The following UBA6 variants were observed in gnomAD, a reference collection of about 807,000 sequenced individuals.
The protein encoded by UBA6 is ubiquitin-like modifier-activating enzyme 6.
In UBA6, 87 loss-of-function variants were observed where a neutral mutation model predicts 148.3. That is an observed-to-expected ratio of 0.59 (90% CI 0.49 to 0.70). The LOEUF is 0.70. Among genes scored for constraint, UBA6 ranks in the 30% least tolerant of loss-of-function variants. The probability of loss-of-function intolerance (pLI) is 0.00; values close to 1 mark genes in which losing one functional copy is unlikely to be tolerated. For missense variants in UBA6, 1,186 were observed against 1,241.2 expected, an observed-to-expected ratio of 0.96 and a Z score of 0.67; for synonymous variants, 376 against 401.0, an observed-to-expected ratio of 0.94 and a Z score of 0.75.
At chr4:67,674,407 G>A (rs1352129665) in intron 6 of UBA6, among the ~76,000 whole-genome samples, 2 of 152,096 alleles carry the variant, frequency 1.3e-5, no homozygotes, top group Non-Finnish European at 2.9e-5. Context: ...CTTCCTCAGG[G>A]ACAAAGAGAC....
intron 2 of UBA6, among the ~76,000 whole-genome samples, chr4:67,694,942 T>C (rs1730797202): frequency 6.6e-6 from 1 of 152,104 alleles, no homozygotes; most frequent in Non-Finnish European, 1.5e-5. Flanking sequence ...CAAAAGAAAA[T>C]GGCTTACCTC....
chr4:67,624,402 A>G, intron 29 of UBA6, 149 bp from the exon 30 acceptor site: 1 of 610,382 alleles, frequency 1.6e-6, no homozygotes, highest in Non-Finnish European at 2.7e-6. Flanking sequence ...TTCTTATTAC[A>G]GGTCTGTATA....
At chr4:67,681,988 T>G in intron 3 of UBA6, 131 bp downstream of exon 3, 1 of 689,678 alleles carries the variant, frequency 1.4e-6, no homozygotes, top group Non-Finnish European at 2.5e-6. Context: ...TGACAAAGAT[T>G]AAAAACTCAA....
rs151206117 is a variant in UBA6, at chr4:67,652,607, C to T, written c.1105-3396G>A. On this transcript the variant is annotated intron_variant, in intron 13 of 32. Transcript: ENST00000322244. ...GCTCGTCTGCAGCTCCCAGCGAGATCGATGCAGAAGACAGGTGATTTCAGC... is the reference window on the plus strand; with the variant it reads ...GCTCGTCTGCAGCTCCCAGCGAGATTGATGCAGAAGACAGGTGATTTCAGC... Among the ~76,000 whole-genome samples the T allele has an allele frequency of 5.7e-3, 872 of 152,252 alleles. 9 individuals are homozygous for T. The highest frequency in any genetic ancestry group is 0.016 in the South Asian group (76 of 4,818).
rs780621245 is a variant in UBA6, at chr4:67,619,140, A to G, written c.3024-8T>C. On this transcript the variant is annotated splice_polypyrimidine_tract_variant and splice_region_variant and intron_variant, in intron 32 of 32. Coordinates refer to ENST00000322244, the MANE Select transcript of UBA6 (RefSeq NM_018227.6). Reference sequence around the variant, plus strand: ...TTTACAAGTTTATGCATTCTAAGAAAAATAAGCAAGAATGAATACTTTGGT... The same window carrying G: ...TTTACAAGTTTATGCATTCTAAGAAGAATAAGCAAGAATGAATACTTTGGT... The G allele has an allele frequency of 7.6e-6, 12 of 1,586,468 alleles. No individual in the cohort carries two copies. In the Admixed American group the frequency reaches 2.1e-4, roughly 27 times the overall value.
Position 67,626,421 on chromosome 4 carries a change from T to G in UBA6, c.2457A>C (p.Glu819Asp). ...RKPDHVPISS[E>D]DERNAIFQLE... Reference sequence around the variant, plus strand: ...GTTGGAAAATTGCATTCCTCTCATCTTCACTGCTAATAGGAACATGGTCTG... The same window carrying G: ...GTTGGAAAATTGCATTCCTCTCATCGTCACTGCTAATAGGAACATGGTCTG... Residue 819 changes from glutamate (E) to aspartate (D), a missense_variant, in exon 28 of 33, where the codon GAA becomes GAC. By Grantham distance (45) the Glu-to-Asp change is conservative (BLOSUM62 2). Coordinates refer to ENST00000322244, the MANE Select transcript of UBA6 (RefSeq NM_018227.6). 6.2e-7 allele frequency: 1 copy of G among 1,611,710 alleles called. No individual in the cohort carries two copies. Among genetic ancestry groups the G allele is most frequent in the Non-Finnish European group, 8.5e-7 (1 of 1,178,436 alleles).
At chr4:67,628,478 T>C (rs774726052) in intron 27 of UBA6, among the ~76,000 whole-genome samples, 2 of 151,808 alleles carry the variant, frequency 1.3e-5, no homozygotes, top group African/African-American at 2.4e-5. Context: ...GTTACTGTTA[T>C]CAGAGGTTTT....
intron 31 of UBA6, 43 bp downstream of exon 31, chr4:67,623,092 G>T: frequency 6.8e-7 from 1 of 1,469,250 alleles, no homozygotes; most frequent in South Asian, 1.2e-5. Context: ...ACAGAAACCA[G>T]ACATAAAGCT....
intron 9 of UBA6, among the ~76,000 whole-genome samples, chr4:67,666,650 A>T (rs1006625919): frequency 6.6e-6 from 1 of 152,016 alleles, no homozygotes; most frequent in Non-Finnish European, 1.5e-5. Context: ...CCAAGGCGAG[A>T]GGATCACCTA....
intron 13 of UBA6, among the ~76,000 whole-genome samples, chr4:67,654,099 T>C (rs1729622396): frequency 6.6e-6 from 1 of 152,120 alleles, no homozygotes; most frequent in Admixed American, 6.5e-5. Context: ...TGGAACCAAC[T>C]TAGAAAACAC....
Position 67,629,071 on chromosome 4 carries a change from C to G in UBA6, c.2400G>C (p.Lys800Asn). 6.2e-7 allele frequency: 1 copy of G among 1,600,692 alleles called. No individual in the cohort carries two copies. The highest frequency in any genetic ancestry group is 8.6e-7 in the Non-Finnish European group (1 of 1,168,678). Residue 800 changes from lysine to asparagine, a missense_variant and splice_region_variant, in exon 27 of 33, where the codon AAG (lysine) becomes AAC (asparagine). Transcript: ENST00000322244. ...VKIQEFKPSN[K>N]VVQTDETARK... ...TGAATGAATGATTTTTTAAACATAC[C>G]TTATTGGAAGGCTTGAATTCCTGAA...
At chr4:67,621,878 GA>G (rs1243408974) in intron 32 of UBA6, among the ~76,000 whole-genome samples, 1 of 151,994 alleles carries the variant, frequency 6.6e-6, no homozygotes, top group East Asian at 1.9e-4. Flanking sequence ...TAAGTGCTCT[GA>G]AAAAAAGAAA....
chr4:67,631,526 TG>T (rs1409839414), intron 25 of UBA6, among the ~76,000 whole-genome samples, 181 bp downstream of exon 25: 1 of 152,160 alleles, frequency 6.6e-6, no homozygotes, highest in Non-Finnish European at 1.5e-5. Flanking sequence ...GATTCACATT[TG>T]TGTGGGAAGG....
chr4:67,630,441 T>C, intron 26 of UBA6, 25 bp downstream of exon 26: 1 of 1,540,308 alleles, frequency 6.5e-7, no homozygotes, highest in Non-Finnish European at 8.8e-7. Context: ...TTGCATCACT[T>C]GCTAAGGCTT....
chr4:67,641,700 A>G (rs1729311888), intron 17 of UBA6, among the ~76,000 whole-genome samples: 1 of 151,578 alleles, frequency 6.6e-6, no homozygotes, highest in South Asian at 2.1e-4. Flanking sequence ...CATGCTGCCT[A>G]TTTTTGTAAC....
At position 67,662,157 on chromosome 4, in the gene UBA6, A is replaced by G. The variant is rs1729874832; in HGVS notation, c.1104+32T>C. ...AGAACACTTATGTATTAACAAACAA[A>G]TATTCGGACAGCCATAAATTTCAAT... On this transcript the variant is annotated intron_variant, in intron 13 of 32. Transcript: ENST00000322244. 3.7e-6 allele frequency: 6 copies of G among 1,601,300 alleles called. No homozygotes were observed. In the Admixed American group the frequency reaches 1.0e-4, roughly 27 times the overall value.
intron 23 of UBA6, among the ~76,000 whole-genome samples, chr4:67,632,599 G>T (rs1729024877): frequency 6.6e-6 from 1 of 152,208 alleles, no homozygotes; most frequent in Admixed American, 6.5e-5. Context: ...AATGAGCAAA[G>T]AAGTCAAATT....
chr4:67,636,556 TGG>T (rs1449041708), intron 19 of UBA6, among the ~76,000 whole-genome samples: 42 of 152,332 alleles, frequency 2.8e-4, no homozygotes, highest in African/African-American at 9.6e-4. Context: ...CACGCCTGAC[TGG>T]TTTTCATATT....
At chr4:67,671,691 T>C (rs1287183786) in intron 7 of UBA6, among the ~76,000 whole-genome samples, 1 of 152,078 alleles carries the variant, frequency 6.6e-6, no homozygotes, top group South Asian at 2.1e-4. Flanking sequence ...AATCCAAAAA[T>C]TTTCAACACA....
Sources: allele counts gnomAD v4.1 joint callset (sites outside exome capture counted in the v4.1 genomes callset), GRCh38; gene constraint gnomAD v4.1.1; transcripts MANE v1.5; gene names NCBI Gene and HGNC (gene_info 2026-07-23, HGNC 2026-07-21).